The following EPHA6 variants were observed in gnomAD, a reference collection of about 807,000 sequenced individuals.
EPHA6 encodes EPH receptor A6, also known as ephrin type-A receptor 6.
In EPHA6, 50 loss-of-function variants were observed where a neutral mutation model predicts 112.0. That is an observed-to-expected ratio of 0.45 (90% CI 0.36 to 0.56). The LOEUF (loss-of-function observed/expected upper bound fraction) is 0.56. Among genes scored for constraint, EPHA6 ranks in the 20% least tolerant of loss-of-function variants. The pLI is 0.00. For synonymous variants in EPHA6, 529 were observed against 490.7 expected (o/e 1.08, Z -1.03); for missense variants, 1,280 against 1,417.4 (o/e 0.90, Z 1.56).
chr3:97,510,262 A>G (rs1177775261), intron 10 of EPHA6, among the ~76,000 whole-genome samples: 1 of 152,114 alleles, frequency 6.6e-6, no homozygotes, highest in Non-Finnish European at 1.5e-5. Context: ...TTGGAGGAGA[A>G]TTCTCACTCT....
intron 1 of EPHA6, among the ~76,000 whole-genome samples, chr3:96,856,770 A>G (rs2035724013): frequency 6.6e-6 from 1 of 152,152 alleles, no homozygotes; most frequent in African/African-American, 2.4e-5. Context: ...CTAGTAATTT[A>G]GTACTCTTTA....
At chr3:96,911,582 A>G (rs1283215419) in intron 2 of EPHA6, among the ~76,000 whole-genome samples, 15 of 152,190 alleles carry the variant, frequency 9.9e-5, no homozygotes, top group Non-Finnish European at 1.5e-5. Context: ...AAAAAATGAA[A>G]TTAATAAAAT....
At chr3:97,264,505 C>G (rs1207869194) in intron 5 of EPHA6, among the ~76,000 whole-genome samples, 1 of 152,186 alleles carries the variant, frequency 6.6e-6, no homozygotes, top group Non-Finnish European at 1.5e-5. Context: ...CTGCAGGGAC[C>G]CAAAGAGGGA....
At chr3:97,375,092 C>T (rs1352054344) in intron 5 of EPHA6, among the ~76,000 whole-genome samples, 1 of 152,082 alleles carries the variant, frequency 6.6e-6, no homozygotes, top group East Asian at 1.9e-4. Flanking sequence ...CCTATTTCTC[C>T]ACAAATTAAA....
At chr3:96,823,590 G>A (rs1331354541) in intron 1 of EPHA6, among the ~76,000 whole-genome samples, 1 of 151,774 alleles carries the variant, frequency 6.6e-6, no homozygotes, top group Non-Finnish European at 1.5e-5. Flanking sequence ...TAGTTGCCAT[G>A]AAGTGTGATA....
chr3:96,955,601 TA>T (rs2041726695), intron 2 of EPHA6, among the ~76,000 whole-genome samples: 2 of 152,136 alleles, frequency 1.3e-5, no homozygotes, highest in East Asian at 1.9e-4. Context: ...AAATATGTTA[TA>T]AAAAAAGATA....
At chr3:97,031,546 A>G (rs1482131751) in intron 3 of EPHA6, among the ~76,000 whole-genome samples, 1 of 152,138 alleles carries the variant, frequency 6.6e-6, no homozygotes, top group Non-Finnish European at 1.5e-5. Context: ...CAACCTACTC[A>G]TCTGACAAAG....
At position 96,990,819 on chromosome 3, in the gene EPHA6, CA is replaced by C. The variant is rs894451448; in HGVS notation, c.1114+2834del. On this transcript the variant is annotated intron_variant, in intron 3 of 17. Coordinates refer to ENST00000389672, the MANE Select transcript of EPHA6 (RefSeq NM_001080448.3). ...TGCCATCTATTCATAACTTTTCTCA[CA>C]AAAAAAATCTCTGAATTACATATAA... 6.6e-5 allele frequency among the ~76,000 whole-genome samples: 10 copies of C among 151,386 alleles called. No individual in the cohort carries two copies. The East Asian group carries it at 9.7e-4, about 15-fold the overall frequency.
At chr3:97,610,883 A>G in intron 13 of EPHA6, 29 bp downstream of exon 13, 14 of 1,524,722 alleles carry the variant, frequency 9.2e-6, no homozygotes, top group Non-Finnish European at 1.3e-5. Context: ...ATGGCATTTA[A>G]ATAAGCTATT....
At chr3:97,146,598 C>G (rs1301291235) in intron 3 of EPHA6, among the ~76,000 whole-genome samples, 1 of 151,926 alleles carries the variant, frequency 6.6e-6, no homozygotes, top group Non-Finnish European at 1.5e-5. Flanking sequence ...TTAGGTAACT[C>G]ACACCAATAG....
chr3:97,171,323 G>T (rs1313559524), intron 3 of EPHA6, among the ~76,000 whole-genome samples: 1 of 152,068 alleles, frequency 6.6e-6, no homozygotes, highest in African/African-American at 2.4e-5. Context: ...AGAAGATAAA[G>T]CTTAAACTTT....
chr3:97,577,269 G>A (rs1052238836), intron 11 of EPHA6, among the ~76,000 whole-genome samples: 1 of 152,108 alleles, frequency 6.6e-6, no homozygotes, highest in African/African-American at 2.4e-5. Context: ...AATTGCAAAG[G>A]AAGAAAAGAA....
At chr3:97,159,023 G>A (rs993377679) in intron 3 of EPHA6, among the ~76,000 whole-genome samples, 5 of 152,058 alleles carry the variant, frequency 3.3e-5, no homozygotes, top group Non-Finnish European at 1.5e-5. Context: ...TGAGTTTGGG[G>A]TCCCAAAATT....
At chr3:97,641,428 G>A (rs371510514) in intron 14 of EPHA6, among the ~76,000 whole-genome samples, 2 of 152,174 alleles carry the variant, frequency 1.3e-5, no homozygotes, top group Admixed American at 6.5e-5. Flanking sequence ...TGAAAAGGGT[G>A]GGGGAGGAGC....
rs929268804 is a variant in EPHA6 at position 97,130,409 on chromosome 3, G to A, written c.1115-95855G>A. 5.4e-5 allele frequency among the ~76,000 whole-genome samples: 8 copies of A among 148,880 alleles called. No homozygotes were observed. In the East Asian group the frequency reaches 7.8e-4, roughly 15 times the overall value. The stretch of plus-strand genomic sequence containing the variant: ...TGTAAATTGGTTTGGTCATAATTCA[G>A]GTTTAATCCAGTTTTTATAGGATCA... On this transcript the variant is annotated intron_variant, in intron 3 of 17. Transcript: ENST00000389672.
intron 7 of EPHA6, among the ~76,000 whole-genome samples, chr3:97,469,859 A>G (rs952607722): frequency 6.6e-6 from 1 of 151,712 alleles, no homozygotes; most frequent in Admixed American, 6.6e-5. Context: ...ATAGCAAATG[A>G]TGAAACTAGT....
intron 11 of EPHA6, among the ~76,000 whole-genome samples, chr3:97,578,900 A>C (rs904107801): frequency 6.6e-6 from 1 of 152,166 alleles, no homozygotes; most frequent in African/African-American, 2.4e-5. Context: ...TTTAAATACA[A>C]TCACACATAC....
chr3:97,721,487 G>A (rs142458053), intron 15 of EPHA6, among the ~76,000 whole-genome samples: 215 of 152,264 alleles, frequency 1.4e-3, no homozygotes, highest in African/African-American at 5.0e-3. Context: ...TAGTACTGTG[G>A]GTGTCTACTG....
intron 5 of EPHA6, among the ~76,000 whole-genome samples, chr3:97,257,221 G>A (rs1242486130): frequency 6.6e-6 from 1 of 151,712 alleles, no homozygotes; most frequent in African/African-American, 2.4e-5. Context: ...GGTGCATATA[G>A]GTGTGAATAT....
Sources: allele counts gnomAD v4.1 joint callset (sites outside exome capture counted in the v4.1 genomes callset), GRCh38; gene constraint gnomAD v4.1.1; transcripts MANE v1.5; gene names NCBI Gene and HGNC (gene_info 2026-07-23, HGNC 2026-07-21).